Variants in SEMA5B observed in about 807,000 individuals in gnomAD.
SEMA5B encodes semaphorin-5B.
SEMA5B carries 66 observed loss-of-function variants against 135.0 expected under a neutral mutation model. The observed-to-expected ratio is 0.49, with a 90% confidence interval of 0.40 to 0.60. SEMA5B has a LOEUF of 0.60. Ranked by LOEUF, SEMA5B falls within the 20% of genes least tolerant of loss-of-function variation. The pLI, the probability that SEMA5B is intolerant of heterozygous loss-of-function variation, is 0.00. For missense variants in SEMA5B, 1,501 were observed against 1,566.3 expected (o/e 0.96, Z 0.70); for synonymous variants, 690 against 639.5 (o/e 1.08, Z -1.19).
Position 122,928,594 on chromosome 3 carries a change from G to A in SEMA5B, c.559C>T (p.Arg187Ter), listed in dbSNP as rs753696390. ...TTCCGGCCGGCGACGATCAGGACTC[G>A]CACGTAGTTCTGACACTCCTCCTGA... The part of the protein sequence containing the change: ...KTEEECQNYV[R>*]VLIVAGRKVF... The change falls in exon 7 of 23, where the codon CGA becomes TGA. Residue 187 changes from arginine (R) to a stop codon, truncating the protein, a stop_gained. Coordinates refer to ENST00000357599, the MANE Select transcript of SEMA5B (RefSeq NM_001031702.4). LOFTEE classifies it high-confidence loss of function. The A allele has an allele frequency of 3.8e-6, 6 of 1,558,602 alleles. No individual in the cohort carries two copies. The highest frequency in any genetic ancestry group is 5.2e-6 in the Non-Finnish European group (6 of 1,150,556).
intron 1 of SEMA5B, chr3:122,974,965 G>C (rs1941264039): frequency 6.6e-6 from 1 of 152,308 alleles, no homozygotes; most frequent in Non-Finnish European, 1.5e-5. Context: ...CTGGAATAGA[G>C]TTATCTTCAT....
chr3:122,990,124 G>C (rs1277267333), intron 1 of SEMA5B, among the ~76,000 whole-genome samples: 1 of 152,106 alleles, frequency 6.6e-6, no homozygotes, highest in East Asian at 1.9e-4. Context: ...ATGATTTGTT[G>C]GTTTGTGGCA....
At chr3:122,967,709 T>C (rs1378407850) in intron 1 of SEMA5B, among the ~76,000 whole-genome samples, 1 of 152,240 alleles carries the variant, frequency 6.6e-6, no homozygotes, top group Non-Finnish European at 1.5e-5. Flanking sequence ...TCCTGTGCTC[T>C]ACCCTGGTTC....
chr3:122,943,589 T>A, intron 3 of SEMA5B, 54 bp from the exon 4 acceptor site: 1 of 1,313,046 alleles, frequency 7.6e-7, no homozygotes, highest in Non-Finnish European at 1.1e-6. Context: ...GGCTCCCAGC[T>A]GCATCGCAGC....
At chr3:122,985,665 G>C (rs1373454130) in intron 1 of SEMA5B, among the ~76,000 whole-genome samples, 1 of 152,146 alleles carries the variant, frequency 6.6e-6, no homozygotes, top group Admixed American at 6.5e-5. Context: ...CCAAACCCCA[G>C]TGCCCAGCTG....
At chr3:122,999,996 T>C (rs1346484298) in intron 1 of SEMA5B, among the ~76,000 whole-genome samples, 1 of 151,912 alleles carries the variant, frequency 6.6e-6, no homozygotes, top group Non-Finnish European at 1.5e-5. Flanking sequence ...GATCACGAGA[T>C]CAAGAGATTG....
intron 1 of SEMA5B, among the ~76,000 whole-genome samples, chr3:122,979,810 C>G (rs1394600662): frequency 6.6e-6 from 1 of 152,222 alleles, no homozygotes; most frequent in Non-Finnish European, 1.5e-5. Context: ...AACCAGCATA[C>G]AGGCTCAAAA....
chr3:122,948,664 G>A lies in SEMA5B; in HGVS notation c.170C>T (p.Pro57Leu). 1 of 1,613,074 alleles carries A rather than the reference G, an allele frequency of 6.2e-7. No homozygotes were observed. The highest frequency in any genetic ancestry group is 8.5e-7 in the Non-Finnish European group (1 of 1,179,454). ...LPPGARTAEG[P>L]IMVLAGPLAV... ...CAGGGGGCCTGCAAGCACCATGATAGGCCCCTCTGCAGTCCTAGCTCCGGG... is the reference window on the plus strand; with the variant it reads ...CAGGGGGCCTGCAAGCACCATGATAAGCCCCTCTGCAGTCCTAGCTCCGGG... Residue 57 changes from proline to leucine, a missense_variant, in exon 3 of 23, where the codon CCT becomes CTT. Around this residue, in one of 2 missense-constraint regions of SEMA5B, gnomAD observed 574 missense variants for 684.7 expected, o/e 0.84. Coordinates refer to ENST00000357599, the MANE Select transcript of SEMA5B (RefSeq NM_001031702.4).
chr3:122,928,557 C>T lies in SEMA5B; in HGVS notation c.596G>A (p.Cys199Tyr), dbSNP rs1307830877. 22 of 1,566,018 alleles carry T rather than the reference C, an allele frequency of 1.4e-5. No individual in the cohort carries two copies. The highest frequency in any genetic ancestry group is 3.5e-6 in the Non-Finnish European group (4 of 1,154,774). The change falls in exon 7 of 23, where the codon TGT becomes TAT. Residue 199 changes from cysteine (C) to tyrosine (Y), a missense_variant. Cys to Tyr is a radical substitution (Grantham distance 194). Transcript: ENST00000357599. ...LIVAGRKVFM[C>Y]GTNAFSPMCT... The stretch of plus-strand genomic sequence containing the variant: ...CATGGGGGAAAAGGCATTGGTTCCA[C>T]ACATGAACACCTTCCGGCCGGCGAC...
intron 1 of SEMA5B, among the ~76,000 whole-genome samples, chr3:122,995,218 T>C (rs1437150620): frequency 1.3e-5 from 2 of 151,870 alleles, no homozygotes; most frequent in Non-Finnish European, 2.9e-5. Context: ...CTGGGAAAAA[T>C]GTTAGTCTGG....
chr3:123,020,172 G>T (rs987455928), intron 1 of SEMA5B, among the ~76,000 whole-genome samples: 13 of 152,134 alleles, frequency 8.5e-5, no homozygotes, highest in Admixed American at 8.5e-4. Flanking sequence ...GTGAAAAATG[G>T]TTTACAATTT....
intron 12 of SEMA5B, among the ~76,000 whole-genome samples, chr3:122,916,740 G>A (rs1938093518): frequency 3.9e-5 from 6 of 152,132 alleles, no homozygotes; most frequent in Admixed American, 3.9e-4. Context: ...TACTGTCCAT[G>A]GTCACCTGGA....
Position 122,983,147 on chromosome 3 carries a change from G to A in SEMA5B, c.-38-21846C>T, listed in dbSNP as rs191453165. On this transcript the variant is annotated intron_variant, in intron 1 of 22. Coordinates refer to ENST00000357599, the MANE Select transcript of SEMA5B (RefSeq NM_001031702.4). The stretch of plus-strand genomic sequence containing the variant: ...TCCTGCTGGTCAGAAGAGGCAAGGG[G>A]CATGTGGCCAGTCAATTTTGAGGGG... Among the ~76,000 whole-genome samples the A allele has an allele frequency of 2.2e-3, 330 of 152,286 alleles. 1 individual carries two copies. The highest frequency in any genetic ancestry group is 7.8e-3 in the African/African-American group (325 of 41,574).
At chr3:122,986,455 A>C (rs906331923) in intron 1 of SEMA5B, among the ~76,000 whole-genome samples, 1 of 152,220 alleles carries the variant, frequency 6.6e-6, no homozygotes, top group Non-Finnish European at 1.5e-5. Context: ...TTTCCTTCTA[A>C]TATTTGAAAA....
chr3:122,994,765 G>T (rs191911044), intron 1 of SEMA5B, among the ~76,000 whole-genome samples: 1 of 152,168 alleles, frequency 6.6e-6, no homozygotes, highest in South Asian at 2.1e-4. Context: ...TCTGAGACTC[G>T]GTTTCCCTGT....
intron 3 of SEMA5B, 92 bp downstream of exon 3, chr3:122,948,414 T>TC: frequency 8.9e-7 from 1 of 1,120,706 alleles, no homozygotes; most frequent in Non-Finnish European, 1.3e-6. Context: ...CCCAAGGACA[T>TC]CCAACAGCCA....
At chr3:123,012,728 G>A (rs1183609415) in intron 1 of SEMA5B, among the ~76,000 whole-genome samples, 2 of 152,034 alleles carry the variant, frequency 1.3e-5, no homozygotes, top group African/African-American at 4.8e-5. Flanking sequence ...AGGGCTGCAG[G>A]AGGCAAGAAG....
chr3:123,027,783 A>C (rs1005110900), upstream of SEMA5B: 4 of 152,222 alleles, frequency 2.6e-5, no homozygotes, highest in Admixed American at 6.5e-5. Context: ...GCGGGAGCAG[A>C]AGGAGGGAGG....
At chr3:122,983,266 T>TG (rs1210019596) in intron 1 of SEMA5B, among the ~76,000 whole-genome samples, 3 of 152,058 alleles carry the variant, frequency 2.0e-5, no homozygotes, top group East Asian at 3.9e-4. Flanking sequence ...AGGATTTTTT[T>TG]GGGGGGGTTT....
Sources: gnomAD v4.1 joint callset for allele counts (sites outside exome capture counted in the v4.1 genomes callset) on GRCh38, gnomAD v4.1.1 for gene constraint, gnomAD v4.1.1 regional missense constraint, MANE v1.5 for transcripts, NCBI Gene and HGNC (gene_info 2026-07-23, HGNC 2026-07-21) for gene names.